The following KDM7A variants were observed in gnomAD, a reference collection of about 807,000 sequenced individuals.
KDM7A encodes lysine-specific demethylase 7A.
Under a neutral mutation model 114.8 loss-of-function variants are expected in KDM7A, and 28 were observed. The observed-to-expected ratio is 0.24, with a 90% CI of 0.18 to 0.33. The LOEUF is 0.33. KDM7A is among the 10% of genes least tolerant of loss of function. The probability of loss-of-function intolerance (pLI) is 1.00; values close to 1 mark genes in which losing one functional copy is unlikely to be tolerated. For synonymous variants in KDM7A, 423 were observed against 397.8 expected (o/e 1.06, Z -0.75); for missense variants, 942 against 1,142.5 (o/e 0.82, Z 2.53).
At chr7:140,100,663 T>TATATATAC in intron 12 of KDM7A, among the ~76,000 whole-genome samples, 2 of 38,302 alleles carry the variant, frequency 5.2e-5, no homozygotes, top group East Asian at 1.3e-3. Context: ...TAAAAAGTTA[T>TATATATAC]ATATATATAT....
chr7:140,161,129 GCA>G (rs2116848979), intron 1 of KDM7A, among the ~76,000 whole-genome samples: 1 of 152,304 alleles, frequency 6.6e-6, no homozygotes, highest in Admixed American at 6.5e-5. Context: ...CCTATAATCT[GCA>G]TATAGTTTAC....
chr7:140,130,318 A>C (rs963226149), intron 3 of KDM7A, among the ~76,000 whole-genome samples: 5 of 152,146 alleles, frequency 3.3e-5, no homozygotes, highest in African/African-American at 1.2e-4. Context: ...TAGAGTGTGC[A>C]TTAGAATAAA....
intron 9 of KDM7A, among the ~76,000 whole-genome samples, chr7:140,116,499 A>G (rs1478077854): frequency 6.6e-6 from 1 of 152,190 alleles, no homozygotes; most frequent in African/African-American, 2.4e-5. Context: ...AGGTCAGGAT[A>G]ATGGTTATCT....
intron 9 of KDM7A, among the ~76,000 whole-genome samples, chr7:140,116,306 T>TA (rs1818529237): frequency 6.6e-6 from 1 of 152,048 alleles, no homozygotes; most frequent in African/African-American, 2.4e-5. Flanking sequence ...CAGAATACTC[T>TA]AGCAATGAAA....
chr7:140,136,721 C>T (rs1049016774), intron 2 of KDM7A, among the ~76,000 whole-genome samples: 1 of 152,254 alleles, frequency 6.6e-6, no homozygotes, highest in Admixed American at 6.5e-5. Context: ...GCAAGTAAGA[C>T]AGGCCTAAGA....
intron 1 of KDM7A, among the ~76,000 whole-genome samples, chr7:140,140,365 T>G (rs1794252415): frequency 6.6e-6 from 1 of 152,222 alleles, no homozygotes; most frequent in Admixed American, 6.5e-5. Context: ...CATTTATGTT[T>G]GATTAAAAAG....
In KDM7A at chr7:140,120,512, G is replaced by A; in HGVS notation, c.1069C>T (p.Leu357Phe). The change falls in exon 8 of 20, where the codon CTC becomes TTC. Residue 357 changes from leucine (L) to phenylalanine (F), a missense_variant. This residue lies in a region of KDM7A where 318 missense variants were observed against 453.1 expected (regional missense o/e 0.70). Transcript: ENST00000397560. Reference sequence around the variant, plus strand: ...AAAGCCATACAGTCCTGAGAAGTGAGCACAGCATGGATCCACCCTAAAATG... The same window carrying A: ...AAAGCCATACAGTCCTGAGAAGTGAACACAGCATGGATCCACCCTAAAATG... ...FVPTGWIHAV[L>F]TSQDCMAFGG... is the part of the protein sequence containing the mutation. The A allele has an allele frequency of 8.7e-6, 14 of 1,609,500 alleles. No individual in the cohort carries two copies. The highest frequency in any genetic ancestry group is 1.1e-5 in the Non-Finnish European group (13 of 1,175,942).
intron 1 of KDM7A, among the ~76,000 whole-genome samples, chr7:140,161,765 C>T (rs1210459614): frequency 3.3e-5 from 5 of 151,706 alleles, no homozygotes; most frequent in African/African-American, 9.7e-5. Flanking sequence ...AGGATGGTCT[C>T]GATCTCCTGA....
chr7:140,145,638 T>C (rs1585160168), intron 1 of KDM7A, among the ~76,000 whole-genome samples: 1 of 152,222 alleles, frequency 6.6e-6, no homozygotes, highest in East Asian at 1.9e-4. Context: ...GTTCATTAAG[T>C]GTCAAAAGAA....
At chr7:140,134,031 C>T (rs529932346) in intron 2 of KDM7A, among the ~76,000 whole-genome samples, 94 of 152,282 alleles carry the variant, frequency 6.2e-4, no homozygotes, top group African/African-American at 2.2e-3. Flanking sequence ...TCCAAATCGT[C>T]TTCTCAGGAC....
At chr7:140,157,027 C>T (rs1320955658) in intron 1 of KDM7A, among the ~76,000 whole-genome samples, 1 of 152,182 alleles carries the variant, frequency 6.6e-6, no homozygotes, top group Non-Finnish European at 1.5e-5. Flanking sequence ...CACAAAATGG[C>T]ATAATAAATA....
intron 1 of KDM7A, among the ~76,000 whole-genome samples, chr7:140,152,549 G>C (rs897306528): frequency 6.6e-6 from 1 of 151,788 alleles, no homozygotes; most frequent in Non-Finnish European, 1.5e-5. Context: ...ACTTGATCCC[G>C]GGAGGCGGAG....
intron 18 of KDM7A, among the ~76,000 whole-genome samples, chr7:140,092,732 C>T (rs1818042533): frequency 6.6e-6 from 1 of 152,064 alleles, no homozygotes; most frequent in Non-Finnish European, 1.5e-5. Context: ...TTCATGAAAC[C>T]AGTTTTCATT....
Position 140,102,133 on chromosome 7 carries a change from G to A in KDM7A, c.1456C>T (p.Gln486Ter). The A allele has an allele frequency of 6.2e-7, 1 of 1,613,932 alleles. No individual in the cohort carries two copies. Among genetic ancestry groups the A allele is most frequent in the Non-Finnish European group, 8.5e-7 (1 of 1,179,814 alleles). The change falls in exon 12 of 20, where the codon CAG becomes TAG. Residue 486 changes from glutamine (Q) to a stop codon, truncating the protein, a stop_gained. Coordinates refer to ENST00000397560, the MANE Select transcript of KDM7A (RefSeq NM_030647.2). LOFTEE classifies it high-confidence loss of function. ...ACTGGACACACAATAGGAATTCCCT[G>A]AGATTTAACTGGTTTGCCGTTTTCC... Reference protein sequence around the residue: ...EEENGKPVKSQGIPIVCPVSR... With the variant: ...EEENGKPVKS
chr7:140,133,488 A>T (rs1256707945), intron 3 of KDM7A, 51 bp downstream of exon 3: 1 of 1,059,846 alleles, frequency 9.4e-7, no homozygotes, highest in Non-Finnish European at 1.5e-6. Flanking sequence ...ACTCTATGAG[A>T]CGACATTCTT....
chr7:140,103,226 T>C lies in KDM7A; in HGVS notation c.1429-1066A>G, dbSNP rs77767240. On this transcript the variant is annotated intron_variant, in intron 11 of 19. Transcript: ENST00000397560. ...TCATATAAGTGGAATTTTATAAAAT[T>C]TGTCCTTTGGTGACTGGCTTATTTC... Among the ~76,000 whole-genome samples the C allele has an allele frequency of 5.1e-4, 78 of 152,276 alleles. 1 individual carries two copies. The East Asian group carries it at 0.015, about 29-fold the overall frequency.
intron 7 of KDM7A, among the ~76,000 whole-genome samples, chr7:140,122,503 G>C (rs1456043664): frequency 6.6e-6 from 1 of 152,118 alleles, no homozygotes; most frequent in African/African-American, 2.4e-5. Flanking sequence ...CAAATATTCT[G>C]GTAGTTCTAA....
intron 1 of KDM7A, among the ~76,000 whole-genome samples, chr7:140,167,773 T>C (rs1585170076): frequency 6.6e-6 from 1 of 151,960 alleles, no homozygotes. Context: ...TAAATATGAC[T>C]ACATATTTCT....
At chr7:140,138,291 G>A (rs1226905702) in intron 2 of KDM7A, among the ~76,000 whole-genome samples, 1 of 151,626 alleles carries the variant, frequency 6.6e-6, no homozygotes, top group Non-Finnish European at 1.5e-5. Flanking sequence ...ACGGGTGACA[G>A]AGCAAGACCC....
Sources: gnomAD v4.1 joint callset for allele counts (sites outside exome capture counted in the v4.1 genomes callset) on GRCh38, gnomAD v4.1.1 for gene constraint, gnomAD v4.1.1 regional missense constraint, MANE v1.5 for transcripts, NCBI Gene and HGNC (gene_info 2026-07-23, HGNC 2026-07-21) for gene names.